The following REC114 variants were observed in gnomAD, a reference collection of about 807,000 sequenced individuals.
REC114 encodes the protein meiotic recombination protein REC114.
REC114 carries 27 observed loss-of-function variants against 31.3 expected under a neutral mutation model. The ratio of observed to expected loss-of-function variants is 0.86; its 90% CI spans 0.64 to 1.19. REC114 has a LOEUF of 1.19. Ranked by LOEUF, REC114 falls within the 50% of genes most tolerant of loss-of-function variation. REC114 has a pLI of 0.00. For synonymous variants in REC114, 134 were observed against 127.7 expected, an observed-to-expected ratio of 1.05 and a Z score of -0.33; for missense variants, 344 against 326.9, an observed-to-expected ratio of 1.05 and a Z score of -0.40.
intron 2 of REC114, among the ~76,000 whole-genome samples, chr15:73,475,191 C>A (rs558109558): frequency 1.3e-5 from 2 of 152,154 alleles, no homozygotes; most frequent in South Asian, 4.2e-4. Context: ...TCTTTTTGCC[C>A]CAGTGGTGAC....
At chr15:73,544,915 T>A (rs1330496746) in intron 3 of REC114, among the ~76,000 whole-genome samples, 1 of 152,004 alleles carries the variant, frequency 6.6e-6, no homozygotes, top group Non-Finnish European at 1.5e-5. Flanking sequence ...ACCCACTGGG[T>A]TTTTATGAGG....
chr15:73,451,655 A>G (rs1487838648), intron 1 of REC114, among the ~76,000 whole-genome samples: 1 of 152,198 alleles, frequency 6.6e-6, no homozygotes, highest in Non-Finnish European at 1.5e-5. Flanking sequence ...TCCTGATATC[A>G]AAACCTGGCA....
intron 2 of REC114, among the ~76,000 whole-genome samples, chr15:73,495,380 T>C (rs1253719182): frequency 6.6e-6 from 1 of 152,116 alleles, no homozygotes; most frequent in Non-Finnish European, 1.5e-5. Flanking sequence ...TTGGTTCCTT[T>C]TGGGTATGTT....
chr15:73,489,071 G>T (rs1277013654), intron 2 of REC114, among the ~76,000 whole-genome samples: 1 of 152,148 alleles, frequency 6.6e-6, no homozygotes, highest in Admixed American at 6.5e-5. Context: ...TTGGTGTCTG[G>T]TGAGTGCTGC....
chr15:73,530,113 G>A (rs1049082755), intron 2 of REC114, among the ~76,000 whole-genome samples: 1 of 152,092 alleles, frequency 6.6e-6, no homozygotes, highest in African/African-American at 2.4e-5. Flanking sequence ...TATAGAATGG[G>A]CATCTTAGTT....
intron 1 of REC114, 117 bp from the exon 2 acceptor site, chr15:73,473,715 G>A (rs184154575): frequency 3.3e-6 from 2 of 603,782 alleles, no homozygotes; most frequent in East Asian, 6.0e-5. Context: ...GAAAAGCAAA[G>A]AGAATGCTCG....
In REC114 at chr15:73,551,116, A is replaced by G; in HGVS notation, c.512A>G (p.Lys171Arg). The change falls in exon 4 of 6, where the codon AAG becomes AGG. Residue 171 changes from lysine (K) to arginine (R), a missense_variant. Transcript: ENST00000331090. ...GPPRATESQGKDSAKSVPRQP... is the reference protein window; with the variant it reads ...GPPRATESQGRDSAKSVPRQP... ...CCCAGGGCAACTGAAAGTCAAGGGAAGGATTCTGCAAAGAGTGTCCCACGG... is the reference window on the plus strand; with the variant it reads ...CCCAGGGCAACTGAAAGTCAAGGGAGGGATTCTGCAAAGAGTGTCCCACGG... The G allele has an allele frequency of 6.2e-7, 1 of 1,612,002 alleles. No individual in the cohort carries two copies. The highest frequency in any genetic ancestry group is 8.5e-7 in the Non-Finnish European group (1 of 1,178,998).
At chr15:73,552,018 T>C (rs1390865208) in intron 4 of REC114, among the ~76,000 whole-genome samples, 1 of 152,210 alleles carries the variant, frequency 6.6e-6, no homozygotes, top group East Asian at 1.9e-4. Flanking sequence ...GTATATTCAG[T>C]GAATCAGTAT....
In REC114 at chr15:73,557,158, C is replaced by T. The variant is rs570551182; in HGVS notation, c.636+767C>T. On this transcript the variant is annotated intron_variant, in intron 5 of 5. Transcript: ENST00000331090. ...GATCTTGGCTCACTGCAACCTCTGT[C>T]TCCTGGGTTCAAGTGATTTTCCTGC... Among the ~76,000 whole-genome samples the T allele has an allele frequency of 2.0e-5, 3 of 151,330 alleles. No homozygotes were observed. In the East Asian group the frequency reaches 5.8e-4, roughly 29 times the overall value.
intron 2 of REC114, among the ~76,000 whole-genome samples, chr15:73,486,976 G>A (rs1354679321): frequency 2.6e-5 from 4 of 151,756 alleles, no homozygotes; most frequent in South Asian, 4.2e-4. Flanking sequence ...AGCCGAGATC[G>A]CACCATTGCA....
intron 2 of REC114, among the ~76,000 whole-genome samples, chr15:73,501,527 C>G (rs1893603813): frequency 6.6e-6 from 1 of 152,178 alleles, no homozygotes; most frequent in African/African-American, 2.4e-5. Flanking sequence ...TCACTGCAGC[C>G]TCCGCCTCCC....
At chr15:73,539,815 A>G (rs1340031043) in intron 2 of REC114, among the ~76,000 whole-genome samples, 1 of 152,194 alleles carries the variant, frequency 6.6e-6, no homozygotes, top group Non-Finnish European at 1.5e-5. Context: ...CAGTGACAAC[A>G]TAACTGGCGC....
At chr15:73,471,575 T>C (rs933710948) in intron 1 of REC114, among the ~76,000 whole-genome samples, 4 of 152,112 alleles carry the variant, frequency 2.6e-5, no homozygotes, top group African/African-American at 9.7e-5. Context: ...GATTGGGTGA[T>C]TAAATGTAGC....
chr15:73,465,562 C>T (rs1893045576), intron 1 of REC114, among the ~76,000 whole-genome samples: 1 of 152,104 alleles, frequency 6.6e-6, no homozygotes. Flanking sequence ...TCTTCCCTAG[C>T]TCTTAGCATT....
intron 3 of REC114, among the ~76,000 whole-genome samples, chr15:73,544,112 A>ATGGT (rs1894277785): frequency 6.6e-6 from 1 of 152,078 alleles, no homozygotes; most frequent in Admixed American, 6.5e-5. Context: ...TGCCTAGCCA[A>ATGGT]TGGTTCGATA....
At chr15:73,545,184 G>A (rs879081414) in intron 3 of REC114, among the ~76,000 whole-genome samples, 29 of 152,160 alleles carry the variant, frequency 1.9e-4, no homozygotes, top group African/African-American at 6.5e-4. Flanking sequence ...GAAATTAAGT[G>A]TTCTGAAGGA....
At chr15:73,516,951 A>G (rs987528428) in intron 2 of REC114, among the ~76,000 whole-genome samples, 7 of 152,198 alleles carry the variant, frequency 4.6e-5, no homozygotes, top group African/African-American at 1.7e-4. Context: ...TATATGCTCC[A>G]AAGTTGGAGT....
intron 1 of REC114, among the ~76,000 whole-genome samples, chr15:73,451,600 A>G (rs1030944619): frequency 1.3e-5 from 2 of 152,202 alleles, no homozygotes; most frequent in South Asian, 4.1e-4. Flanking sequence ...TAAACAATAT[A>G]AAAAGAGGGA....
At chr15:73,527,501 A>G (rs1894023791) in intron 2 of REC114, among the ~76,000 whole-genome samples, 1 of 152,134 alleles carries the variant, frequency 6.6e-6, no homozygotes, top group Non-Finnish European at 1.5e-5. Flanking sequence ...CTGGAAATTA[A>G]TTTTAGGAAG....
Sources: gnomAD v4.1 joint callset for allele counts (sites outside exome capture counted in the v4.1 genomes callset) on GRCh38, gnomAD v4.1.1 for gene constraint, MANE v1.5 for transcripts, NCBI Gene and HGNC (gene_info 2026-07-23, HGNC 2026-07-21) for gene names.